STK32B: variants seen among roughly 807,000 people sequenced by gnomAD.
STK32B encodes serine/threonine-protein kinase 32B.
Under a neutral mutation model 52.6 loss-of-function variants are expected in STK32B, and 43 were observed. The ratio of observed to expected loss-of-function variants is 0.82; its 90% CI spans 0.64 to 1.05. The LOEUF is 1.05. Among genes scored for constraint, STK32B ranks in the 50% least tolerant of loss-of-function variants. The pLI is 0.00. For missense variants in STK32B, 621 were observed against 534.6 expected (o/e 1.16, Z -1.59); for synonymous variants, 238 against 204.3 (o/e 1.17, Z -1.41).
intron 4 of STK32B, among the ~76,000 whole-genome samples, chr4:5,335,418 C>G (rs78563238): frequency 6.6e-6 from 1 of 151,828 alleles, no homozygotes; most frequent in African/African-American, 2.4e-5. Flanking sequence ...TTGATCCTTT[C>G]AAAAAAACCA....
At chr4:5,471,702 A>T (rs1409104855) in intron 11 of STK32B, among the ~76,000 whole-genome samples, 1 of 152,092 alleles carries the variant, frequency 6.6e-6, no homozygotes, top group African/African-American at 2.4e-5. Context: ...TATGTCCCAC[A>T]AGCGATTCTG....
chr4:5,460,440 G>C lies in STK32B; in HGVS notation c.909+212G>C. 6.6e-6 allele frequency among the ~76,000 whole-genome samples: 1 copy of C among 152,210 alleles called. No individual in the cohort carries two copies. Among genetic ancestry groups the C allele is most frequent in the Non-Finnish European group, 1.5e-5 (1 of 68,040 alleles). ...CTTCCCTCCTTGTGGTAGGTCCTTT[G>C]GGGGTGCCAAGCCTTCTCTCTGTCA... On this transcript the variant is annotated intron_variant, in intron 9 of 11. Coordinates refer to ENST00000282908, the MANE Select transcript of STK32B (RefSeq NM_018401.3). The surrounding 1 kb of genome is among the most constrained non-coding windows in gnomAD (Gnocchi z 4.8).
chr4:5,373,519 G>A (rs1034519054), intron 4 of STK32B, among the ~76,000 whole-genome samples: 1 of 152,198 alleles, frequency 6.6e-6, no homozygotes, highest in Non-Finnish European at 1.5e-5. Context: ...GCCTTCAACT[G>A]ATCGGACAAG....
chr4:5,181,715 A>G (rs551139489), intron 3 of STK32B, among the ~76,000 whole-genome samples: 1 of 152,254 alleles, frequency 6.6e-6, no homozygotes, highest in Non-Finnish European at 1.5e-5. Context: ...GGTACGTACC[A>G]TAATTTAAAA....
Position 5,464,577 on chromosome 4 carries a change from G to A in STK32B, c.910-2126G>A, listed in dbSNP as rs1428650777. Among the ~76,000 whole-genome samples the A allele has an allele frequency of 8.5e-5, 13 of 152,240 alleles. No individual in the cohort carries two copies. In the East Asian group the frequency reaches 2.5e-3, roughly 29 times the overall value. ...AAGGCACTAGAAGGCCTAAGTGTGT[G>A]CTTGTCACGTGAATGAACGAATGAT... On this transcript the variant is annotated intron_variant, in intron 9 of 11. Transcript: ENST00000282908.
intron 3 of STK32B, among the ~76,000 whole-genome samples, chr4:5,295,557 G>C (rs1481615317): frequency 5.3e-5 from 8 of 152,112 alleles, no homozygotes; most frequent in African/African-American, 1.9e-4. Flanking sequence ...TAGTTTATTT[G>C]CATAGAGGTG....
At chr4:5,336,340 A>G (rs1269583846) in intron 4 of STK32B, among the ~76,000 whole-genome samples, 1 of 151,998 alleles carries the variant, frequency 6.6e-6, no homozygotes, top group African/African-American at 2.4e-5. Context: ...AACAAGCCCT[A>G]TTCCTTCATT....
At chr4:5,021,442 C>T in the STK32B span, among the ~76,000 whole-genome samples, 7 of 152,206 alleles carry the variant, frequency 4.6e-5, no homozygotes. Flanking sequence ...TCCACACTCC[C>T]TCCATGATAG....
rs576722633 is a variant in STK32B at position 5,489,685 on chromosome 4, A to G, written c.1107-9260A>G. On this transcript the variant is annotated intron_variant, in intron 11 of 11. Transcript: ENST00000282908. Reference sequence around the variant, plus strand: ...CACCAGGCTGGAGTGCTGCAGCACAATCTTGGCTCACTGCAACCTCCGCCT... The same window carrying G: ...CACCAGGCTGGAGTGCTGCAGCACAGTCTTGGCTCACTGCAACCTCCGCCT... 8.5e-5 allele frequency among the ~76,000 whole-genome samples: 13 copies of G among 152,080 alleles called. No homozygotes were observed. In the South Asian group the frequency reaches 1.0e-3, roughly 12 times the overall value.
chr4:5,438,593 T>G (rs114456608), intron 6 of STK32B, among the ~76,000 whole-genome samples: 1 of 152,126 alleles, frequency 6.6e-6, no homozygotes, highest in Non-Finnish European at 1.5e-5. Flanking sequence ...GTGATTTGAC[T>G]TTTTTTGTTT....
At chr4:5,483,717 G>A (rs1279389801) in intron 11 of STK32B, among the ~76,000 whole-genome samples, 11 of 151,734 alleles carry the variant, frequency 7.2e-5, no homozygotes, top group African/African-American at 2.7e-4. Context: ...TTTCTCTTGT[G>A]GACATTTAGT....
chr4:5,047,959 CAG>C (rs947048327), upstream of STK32B, among the ~76,000 whole-genome samples: 5 of 152,108 alleles, frequency 3.3e-5, no homozygotes, highest in Non-Finnish European at 5.9e-5. Context: ...AGAAATGACA[CAG>C]GGAGAGAGGA....
At chr4:5,409,590 G>C (rs1469394111) in intron 5 of STK32B, among the ~76,000 whole-genome samples, 1 of 152,158 alleles carries the variant, frequency 6.6e-6, no homozygotes, top group Non-Finnish European at 1.5e-5. Context: ...TGGACTGCAT[G>C]CTTTCCATGC....
At chr4:5,471,622 A>G (rs1717861513) in intron 11 of STK32B, among the ~76,000 whole-genome samples, 1 of 152,122 alleles carries the variant, frequency 6.6e-6, no homozygotes, top group Admixed American at 6.5e-5. Context: ...TAATACAGCC[A>G]ATACAGCTCC....
intron 5 of STK32B, among the ~76,000 whole-genome samples, chr4:5,414,983 CTGTT>C (rs1189866158): frequency 6.6e-6 from 1 of 152,242 alleles, no homozygotes; most frequent in Admixed American, 6.5e-5. Flanking sequence ...ATGTGTCACT[CTGTT>C]TGGAACTGTG....
chr4:5,499,217 TGGGAAGC>T lies in STK32B; in HGVS notation c.*135_*141del. On this transcript the variant is annotated 3_prime_UTR_variant, in exon 12 of 12. Transcript: ENST00000282908. Reference sequence around the variant, plus strand: ...GCAGAAAAAGCCCTGGACTTGGAGCTGGGAAGCCTGGGTTCTGGTCCCATCTCCATGA... The same window carrying T: ...GCAGAAAAAGCCCTGGACTTGGAGCTCTGGGTTCTGGTCCCATCTCCATGA... 2.3e-6 allele frequency: 3 copies of T among 1,284,994 alleles called. No individual in the cohort carries two copies. The highest frequency in any genetic ancestry group is 3.1e-6 in the Non-Finnish European group (3 of 968,282). The allele number at this position is 1,284,994 out of a possible 1,614,324, so 79.6% of individuals were successfully genotyped here. A position where few individuals can be genotyped will look rare whatever the true frequency, so the allele number is the denominator to read the frequency against.
At chr4:5,148,950 C>T (rs1489137244) in intron 2 of STK32B, among the ~76,000 whole-genome samples, 1 of 151,612 alleles carries the variant, frequency 6.6e-6, no homozygotes, top group Non-Finnish European at 1.5e-5. Context: ...ATGAATTGTC[C>T]CTACTATTAT....
At chr4:5,115,034 C>T (rs1714641943) in intron 1 of STK32B, among the ~76,000 whole-genome samples, 1 of 152,194 alleles carries the variant, frequency 6.6e-6, no homozygotes, top group African/African-American at 2.4e-5. Flanking sequence ...TGGAGACATT[C>T]TCTCAGACTC....
chr4:5,163,183 G>A (rs540435015), intron 2 of STK32B, among the ~76,000 whole-genome samples: 71 of 152,336 alleles, frequency 4.7e-4, no homozygotes, highest in African/African-American at 1.6e-3. Context: ...ATTCCAGGCA[G>A]AGTACGTGAA....
Sources: allele counts gnomAD v4.1 joint callset (sites outside exome capture counted in the v4.1 genomes callset), GRCh38; gene constraint gnomAD v4.1.1; non-coding constraint Gnocchi (gnomAD v3.1); transcripts MANE v1.5; gene names NCBI Gene and HGNC (gene_info 2026-07-23, HGNC 2026-07-21).